Variants in DSE observed in about 807,000 individuals in gnomAD.
DSE encodes dermatan-sulfate epimerase.
DSE carries 36 observed loss-of-function variants against 84.4 expected under a neutral mutation model. The ratio of observed to expected loss-of-function variants is 0.43; its 90% CI spans 0.33 to 0.56. The LOEUF is 0.56. DSE is among the 20% of genes least tolerant of loss of function. The probability of loss-of-function intolerance (pLI) is 0.06; values close to 1 mark genes in which losing one functional copy is unlikely to be tolerated. For synonymous variants in DSE, 410 were observed against 430.1 expected, an observed-to-expected ratio of 0.95 and a Z score of 0.58; for missense variants, 862 against 1,169.6, an observed-to-expected ratio of 0.74 and a Z score of 3.84.
chr6:116,273,695 C>T (rs73767708), intron 2 of DSE, among the ~76,000 whole-genome samples: 6,521 of 152,180 alleles, frequency 0.043, 220 homozygotes, highest in African/African-American at 0.091. Context: ...AACGGTACCC[C>T]CCTCAATGAG....
At chr6:116,405,548 C>CT (rs1010412403) in intron 2 of DSE, among the ~76,000 whole-genome samples, 6 of 152,084 alleles carry the variant, frequency 3.9e-5, no homozygotes, top group Admixed American at 1.3e-4. Context: ...TTTCTCTGTT[C>CT]TTTTCATTCT....
At chr6:116,410,732 TCAAAAAAAAAAAAAA>T (rs1562292424) in intron 2 of DSE, among the ~76,000 whole-genome samples, 1 of 20,820 alleles carries the variant, frequency 4.8e-5, no homozygotes, top group African/African-American at 2.5e-4. Context: ...AGACTCTGTC[TCAAAAAAAAAAAAAA>T]AAAAAAAAAA....
Position 116,437,494 on chromosome 6 carries a change from C to G in DSE, c.*149C>G. ...ATATTTTGACACAAGAAAGCAGGAACGTGGAGAAATTGGAGCAGGAAAAGA... is the reference window on the plus strand; with the variant it reads ...ATATTTTGACACAAGAAAGCAGGAAGGTGGAGAAATTGGAGCAGGAAAAGA... On this transcript the variant is annotated 3_prime_UTR_variant, in exon 6 of 6. Transcript: ENST00000644252. The G allele has an allele frequency of 1.4e-6, 1 of 716,658 alleles. No individual in the cohort carries two copies. The highest frequency in any genetic ancestry group is 2.2e-6 in the Non-Finnish European group (1 of 462,660). The allele number at this position is 716,658 out of a possible 1,614,324, so 44.4% of individuals were successfully genotyped here.
chr6:116,350,088 T>C (rs1005850679), intron 2 of DSE, among the ~76,000 whole-genome samples: 1 of 152,270 alleles, frequency 6.6e-6, no homozygotes, highest in Non-Finnish European at 1.5e-5. Context: ...TCTGAACTTA[T>C]AATTTTAAGA....
chr6:116,270,664 C>T (rs1038881023), intron 2 of DSE, among the ~76,000 whole-genome samples: 1 of 152,068 alleles, frequency 6.6e-6, no homozygotes, highest in African/African-American at 2.4e-5. Flanking sequence ...GATTTGGAGA[C>T]CTTCTATTGT....
At chr6:116,321,601 C>T (rs556907683) in intron 2 of DSE, among the ~76,000 whole-genome samples, 50 of 152,206 alleles carry the variant, frequency 3.3e-4, no homozygotes, top group Non-Finnish European at 6.5e-4. Context: ...GCCCAGCAAA[C>T]ATAGTGAAAC....
At chr6:116,286,035 G>T (rs549969562) in intron 2 of DSE, among the ~76,000 whole-genome samples, 1 of 152,166 alleles carries the variant, frequency 6.6e-6, no homozygotes, top group East Asian at 1.9e-4. Context: ...AACTTTAGAG[G>T]AGTTTTATCC....
At chr6:116,430,931 T>C (rs1349693357) in intron 3 of DSE, 23 bp from the exon 4 acceptor site, 3 of 1,610,888 alleles carry the variant, frequency 1.9e-6, no homozygotes, top group Admixed American at 1.7e-5. Context: ...TAGTCATTGC[T>C]TCCATGTGTT....
At chr6:116,333,608 T>A (rs1254615977) in intron 2 of DSE, among the ~76,000 whole-genome samples, 2 of 152,198 alleles carry the variant, frequency 1.3e-5, no homozygotes, top group Non-Finnish European at 2.9e-5. Context: ...ATATCTACTT[T>A]ACAGATGAGA....
At chr6:116,281,683 C>T (rs1446513175) in intron 2 of DSE, among the ~76,000 whole-genome samples, 1 of 152,200 alleles carries the variant, frequency 6.6e-6, no homozygotes, top group Non-Finnish European at 1.5e-5. Flanking sequence ...GTTTCGTTTC[C>T]CTCTGTTTAT....
intron 2 of DSE, among the ~76,000 whole-genome samples, chr6:116,339,051 C>G (rs1777434407): frequency 6.6e-6 from 1 of 151,788 alleles, no homozygotes; most frequent in Non-Finnish European, 1.5e-5. Context: ...GTAACATGCT[C>G]CTGTTCAACA....
chr6:116,434,385 GA>G (rs929233215), intron 5 of DSE, among the ~76,000 whole-genome samples: 3 of 151,880 alleles, frequency 2.0e-5, no homozygotes, highest in Non-Finnish European at 4.4e-5. Context: ...AATTAAGGAG[GA>G]AAAAATATTA....
chr6:116,305,528 A>G (rs1311833429), intron 2 of DSE, among the ~76,000 whole-genome samples: 2 of 152,260 alleles, frequency 1.3e-5, no homozygotes, highest in African/African-American at 4.8e-5. Flanking sequence ...TTGACATAGT[A>G]TACAGATCAC....
intron 2 of DSE, among the ~76,000 whole-genome samples, chr6:116,262,976 A>T (rs56974233): frequency 0.013 from 1,925 of 152,180 alleles, 45 homozygotes; most frequent in African/African-American, 0.044. Context: ...GGTTCAAGAG[A>T]TTTTTTGTTA....
intron 2 of DSE, among the ~76,000 whole-genome samples, chr6:116,318,439 C>T (rs1335595487): frequency 6.6e-6 from 1 of 151,972 alleles, no homozygotes; most frequent in African/African-American, 2.4e-5. Flanking sequence ...CCGGGCCAAG[C>T]TTGCAGTGAG....
At chr6:116,279,357 T>G (rs1773340694) in intron 2 of DSE, 2 of 1,611,842 alleles carry the variant, frequency 1.2e-6, no homozygotes, top group Non-Finnish European at 1.7e-6. Context: ...TGGCGCACTT[T>G]CCTGTCTTCA....
chr6:116,280,145 C>A (rs1773431547), intron 2 of DSE: 1 of 445,658 alleles, frequency 2.2e-6, no homozygotes, highest in Admixed American at 3.5e-5. Flanking sequence ...TGAGATGCAT[C>A]TAGCGACTGC....
At position 116,442,407 on chromosome 6, in the gene DSE, C is replaced by A. The variant is rs1265225939; in HGVS notation, c.*5062C>A. ...AGCCATGTTAAGTTTAAGATACTTT[C>A]TAAAAATCCAAGTGGAGATGTACCA... On this transcript the variant is annotated 3_prime_UTR_variant, in exon 6 of 6. Coordinates refer to ENST00000644252, the MANE Select transcript of DSE (RefSeq NM_013352.4). 1 of 152,076 alleles carries A rather than the reference C, an allele frequency of 6.6e-6. No individual in the cohort carries two copies. Among genetic ancestry groups the A allele is most frequent in the South Asian group, 2.1e-4 (1 of 4,826 alleles). 9.4% of individuals were successfully genotyped at this position (152,076 alleles called of 1,614,324 possible). A position where few individuals can be genotyped will look rare whatever the true frequency, so the allele number is the denominator to read the frequency against.
At chr6:116,411,431 AG>A (rs1475672872) in intron 2 of DSE, among the ~76,000 whole-genome samples, 1 of 152,244 alleles carries the variant, frequency 6.6e-6, no homozygotes, top group African/African-American at 2.4e-5. Context: ...AACATTGTGC[AG>A]GCTGCACTCT....
Sources: allele counts gnomAD v4.1 joint callset (sites outside exome capture counted in the v4.1 genomes callset), GRCh38; gene constraint gnomAD v4.1.1; transcripts MANE v1.5; gene names NCBI Gene and HGNC (gene_info 2026-07-23, HGNC 2026-07-21).